SLC6A2: variants seen among roughly 807,000 people sequenced by gnomAD.
SLC6A2 encodes the protein solute carrier family 6 member 2.
A neutral mutation model predicts 71.7 loss-of-function variants in SLC6A2; 26 were observed. The ratio of observed to expected loss-of-function variants is 0.36; its 90% CI spans 0.27 to 0.50. The LOEUF is 0.50. SLC6A2 is among the 20% of genes least tolerant of loss of function. The pLI, the probability that SLC6A2 is intolerant of heterozygous loss-of-function variation, is 0.96. For missense variants in SLC6A2, 581 were observed against 803.9 expected (o/e 0.72, Z 3.35); for synonymous variants, 363 against 337.9 (o/e 1.07, Z -0.82).
In SLC6A2 at chr16:55,704,803, C is replaced by G. The variant is rs188428384; in HGVS notation, c.*2457C>G. On this transcript the variant is annotated 3_prime_UTR_variant, in exon 15 of 15. Transcript: ENST00000568943. ...GCTAGCTGAACCAACACCAAACCAA[C>G]GCAGTGGTGCTGCCTTGCGGCGGAA... is the stretch of plus-strand genomic sequence containing the variant. 3 of 160,612 alleles carry G rather than the reference C, an allele frequency of 1.9e-5. No homozygotes were observed. The highest frequency in any genetic ancestry group is 1.8e-4 in the East Asian group (1 of 5,562). The allele number at this position is 160,612 out of a possible 1,614,324, so 9.9% of individuals were successfully genotyped here. A position where few individuals can be genotyped will look rare whatever the true frequency, so the allele number is the denominator to read the frequency against.
At chr16:55,692,756 C>G (rs1202233627) in intron 6 of SLC6A2, among the ~76,000 whole-genome samples, 1 of 152,122 alleles carries the variant, frequency 6.6e-6, no homozygotes, top group Non-Finnish European at 1.5e-5. Context: ...TTATTTGAAC[C>G]CATAATAATC....
intron 3 of SLC6A2, among the ~76,000 whole-genome samples, 158 bp downstream of exon 3, chr16:55,669,854 G>A (rs1964856007): frequency 6.6e-6 from 1 of 152,178 alleles, no homozygotes; most frequent in Non-Finnish European, 1.5e-5. Flanking sequence ...CAAGTTACGT[G>A]GAGAGCATTC....
In SLC6A2 at chr16:55,705,634, T is replaced by TC. The variant is rs148525633; in HGVS notation, c.*3291dup. On this transcript the variant is annotated 3_prime_UTR_variant, in exon 15 of 15. Transcript: ENST00000568943. ...AGGGGTTATATCAGATCATCAAAGT[T>TC]CCCATTCCATTAAAGAAAACCCTGC... is the stretch of plus-strand genomic sequence containing the variant. 4.9e-3 allele frequency: 920 copies of TC among 189,432 alleles called. 18 individuals are homozygous for TC. Among genetic ancestry groups the TC allele is most frequent in the African/African-American group, 0.02 (875 of 43,036 alleles). The allele number at this position is 189,432 out of a possible 1,614,324, so 11.7% of individuals were successfully genotyped here.
intron 5 of SLC6A2, among the ~76,000 whole-genome samples, chr16:55,687,234 G>C (rs1182542966): frequency 8.2e-3 from 3 of 364 alleles, no homozygotes; most frequent in Non-Finnish European, 0.054. Flanking sequence ...TAGATAATAA[G>C]AGATCATTGC....
chr16:55,699,411 C>G (rs1965900445), intron 11 of SLC6A2, 143 bp from the exon 12 acceptor site: 1 of 712,474 alleles, frequency 1.4e-6, no homozygotes, highest in African/African-American at 1.7e-5. Context: ...TACAAAGGGC[C>G]CATCCCCGAG....
intron 2 of SLC6A2, among the ~76,000 whole-genome samples, chr16:55,662,550 G>C (rs1489526258): frequency 6.6e-6 from 1 of 152,192 alleles, no homozygotes; most frequent in Non-Finnish European, 1.5e-5. Context: ...ATTTCCCTCT[G>C]TGATGTAGTT....
chr16:55,678,713 A>G (rs1965173784), intron 4 of SLC6A2, among the ~76,000 whole-genome samples: 1 of 152,184 alleles, frequency 6.6e-6, no homozygotes, highest in African/African-American at 2.4e-5. Context: ...AGTATTAATC[A>G]TCTGTGCTAA....
chr16:55,678,137 C>G (rs1351970694), intron 4 of SLC6A2, among the ~76,000 whole-genome samples: 3 of 152,150 alleles, frequency 2.0e-5, no homozygotes, highest in African/African-American at 7.2e-5. Flanking sequence ...AGAAATTATT[C>G]CCATTTTACA....
At chr16:55,673,303 C>G (rs1207213081) in intron 4 of SLC6A2, among the ~76,000 whole-genome samples, 9 of 152,194 alleles carry the variant, frequency 5.9e-5, no homozygotes, top group Non-Finnish European at 1.2e-4. Flanking sequence ...CTGTCAATAT[C>G]TTGTTACTTG....
chr16:55,694,453 G>A (rs114750989), intron 7 of SLC6A2, among the ~76,000 whole-genome samples: 343 of 152,250 alleles, frequency 2.3e-3, no homozygotes, highest in African/African-American at 6.7e-3. Context: ...GTGGAATATC[G>A]CAGCTGCTGA....
intron 11 of SLC6A2, among the ~76,000 whole-genome samples, chr16:55,699,025 A>T (rs189286562): frequency 7.2e-5 from 11 of 152,292 alleles, no homozygotes; most frequent in Admixed American, 6.5e-4. Context: ...TGGCAAACTT[A>T]TTCTGGAACA....
At chr16:55,658,687 A>G (rs560094236) in intron 2 of SLC6A2, among the ~76,000 whole-genome samples, 1 of 152,266 alleles carries the variant, frequency 6.6e-6, no homozygotes, top group Admixed American at 6.5e-5. Flanking sequence ...TGGGTCTGTC[A>G]TTGTCAGATA....
chr16:55,682,187 A>T (rs1039360131), intron 4 of SLC6A2, among the ~76,000 whole-genome samples: 1 of 152,184 alleles, frequency 6.6e-6, no homozygotes, highest in African/African-American at 2.4e-5. Flanking sequence ...AATTATAGGC[A>T]TGAGCCACCA....
intron 3 of SLC6A2, among the ~76,000 whole-genome samples, chr16:55,671,466 C>T (rs1159841758): frequency 2.0e-5 from 3 of 152,166 alleles, no homozygotes; most frequent in South Asian, 2.1e-4. Flanking sequence ...CCTCAATCCC[C>T]GGGCCACGGA....
chr16:55,658,074 G>A (rs1455965704), intron 2 of SLC6A2, among the ~76,000 whole-genome samples: 2 of 152,152 alleles, frequency 1.3e-5, no homozygotes, highest in African/African-American at 4.8e-5. Flanking sequence ...TGGACTTAAG[G>A]GAGGTCAGAG....
At chr16:55,682,744 G>A (rs1357817359) in intron 4 of SLC6A2, among the ~76,000 whole-genome samples, 3 of 152,198 alleles carry the variant, frequency 2.0e-5, no homozygotes, top group African/African-American at 4.8e-5. Context: ...CCCAGGAGAG[G>A]TGACACTGGA....
In SLC6A2 at chr16:55,705,267, T is replaced by C; in HGVS notation, c.*2921T>C. On this transcript the variant is annotated 3_prime_UTR_variant, in exon 15 of 15. Transcript: ENST00000568943. ...AGCTACCAACTCTTGCCAGATATCCTGCTGAACAGAAATCCCTGAAGCTGC... is the reference window on the plus strand; with the variant it reads ...AGCTACCAACTCTTGCCAGATATCCCGCTGAACAGAAATCCCTGAAGCTGC... 6.5e-7 allele frequency: 1 copy of C among 1,535,312 alleles called. No individual in the cohort carries two copies. The highest frequency in any genetic ancestry group is 8.7e-7 in the Non-Finnish European group (1 of 1,146,142).
At chr16:55,657,596 A>G (rs2142476840) in intron 2 of SLC6A2, among the ~76,000 whole-genome samples, 1 of 152,362 alleles carries the variant, frequency 6.6e-6, no homozygotes, top group East Asian at 1.9e-4. Context: ...AGGTGGAATC[A>G]GGCCAGTAGG....
At chr16:55,667,029 T>A (rs375117717) in intron 2 of SLC6A2, among the ~76,000 whole-genome samples, 5 of 151,048 alleles carry the variant, frequency 3.3e-5, no homozygotes, top group African/African-American at 9.8e-5. Context: ...TTTTTTTGAG[T>A]CAGCATCTCA....
Sources: allele counts gnomAD v4.1 joint callset (sites outside exome capture counted in the v4.1 genomes callset), GRCh38; gene constraint gnomAD v4.1.1; transcripts MANE v1.5; gene names NCBI Gene and HGNC (gene_info 2026-07-23, HGNC 2026-07-21).